MACROD2: variants seen among roughly 807,000 people sequenced by gnomAD.
MACROD2 encodes ADP-ribose glycohydrolase MACROD2.
MACROD2 carries 36 observed loss-of-function variants against 70.4 expected under a neutral mutation model. The ratio of observed to expected loss-of-function variants is 0.51; its 90% CI spans 0.39 to 0.68. The LOEUF (loss-of-function observed/expected upper bound fraction) is 0.68. Ranked by LOEUF, MACROD2 falls within the 30% of genes least tolerant of loss-of-function variation. The pLI is 0.00. For missense variants in MACROD2, 496 were observed against 538.4 expected (o/e 0.92, Z 0.78); for synonymous variants, 172 against 178.8 (o/e 0.96, Z 0.30).
intron 2 of MACROD2, among the ~76,000 whole-genome samples, chr20:14,041,814 C>T (rs2053394979): frequency 6.6e-6 from 1 of 152,152 alleles, no homozygotes; most frequent in South Asian, 2.1e-4. Context: ...GAAGAAAAAT[C>T]TGTCTGTTCC....
chr20:14,776,116 G>T lies in MACROD2; in HGVS notation c.418+91157G>T, dbSNP rs454775. On this transcript the variant is annotated intron_variant, in intron 5 of 17. Transcript: ENST00000684519. ...GTCAGGATTTCAGAGACTGAAGAAT[G>T]CAGACTGAACAAACCTGAACCCATA... is the stretch of plus-strand genomic sequence containing the variant. Among the ~76,000 whole-genome samples the T allele has an allele frequency of 2.0e-5, 3 of 151,488 alleles. No individual in the cohort carries two copies. The South Asian group carries it at 6.2e-4, about 32-fold the overall frequency.
chr20:15,791,447 A>C lies in MACROD2; in HGVS notation c.646-71298A>C, dbSNP rs79003662. ...ACATTGTCTCTTGTGGGCAATTTTA[A>C]AAAAAAAAGGATGTTCAAAATATGT... On this transcript the variant is annotated intron_variant, in intron 8 of 17. Transcript: ENST00000684519. Among the ~76,000 whole-genome samples the C allele has an allele frequency of 5.2e-3, 772 of 148,592 alleles. 9 individuals are homozygous for C. Among genetic ancestry groups the C allele is most frequent in the African/African-American group, 0.018 (729 of 40,228 alleles).
chr20:15,253,172 T>G (rs1473399250), intron 6 of MACROD2, among the ~76,000 whole-genome samples: 2 of 152,186 alleles, frequency 1.3e-5, no homozygotes, highest in Admixed American at 6.5e-5. Flanking sequence ...GGAAGGTTTT[T>G]GGGAGTCCAG....
In MACROD2 at chr20:15,174,753, A is replaced by G. The variant is rs200695379; in HGVS notation, c.419-55187A>G. 5.4e-4 allele frequency among the ~76,000 whole-genome samples: 82 copies of G among 152,358 alleles called. No individual in the cohort carries two copies. The East Asian group carries it at 0.013, about 23-fold the overall frequency. Reference sequence around the variant, plus strand: ...TTTGATTTGCATTTCTCTGATAGCCAGTGATGGTGAGCATTTTTTCATGTG... The same window carrying G: ...TTTGATTTGCATTTCTCTGATAGCCGGTGATGGTGAGCATTTTTTCATGTG... On this transcript the variant is annotated intron_variant, in intron 5 of 17. Coordinates refer to ENST00000684519, the MANE Select transcript of MACROD2 (RefSeq NM_001351661.2).
At chr20:15,052,557 C>A (rs1001424512) in intron 5 of MACROD2, among the ~76,000 whole-genome samples, 2 of 152,142 alleles carry the variant, frequency 1.3e-5, no homozygotes, top group African/African-American at 4.8e-5. Flanking sequence ...GTGCCACAAA[C>A]TGTGCTCATA....
intron 6 of MACROD2, among the ~76,000 whole-genome samples, chr20:15,239,538 TAATTATG>T (rs1568661482): frequency 6.6e-6 from 1 of 152,206 alleles, no homozygotes; most frequent in Non-Finnish European, 1.5e-5. Flanking sequence ...TTTGAATTTA[TAATTATG>T]AATTAAGTTC....
intron 5 of MACROD2, among the ~76,000 whole-genome samples, chr20:15,156,499 T>A (rs886679242): frequency 6.6e-6 from 1 of 152,150 alleles, no homozygotes; most frequent in Admixed American, 6.6e-5. Context: ...GTATCATGTA[T>A]CCCCTTGACT....
intron 8 of MACROD2, among the ~76,000 whole-genome samples, chr20:15,859,297 A>G (rs377346631): frequency 1.3e-5 from 2 of 152,130 alleles, no homozygotes; most frequent in Non-Finnish European, 2.9e-5. Flanking sequence ...AGAGGCAGGC[A>G]TGATCTGCTT....
At chr20:14,137,935 C>A (rs556418841) in intron 3 of MACROD2, among the ~76,000 whole-genome samples, 7 of 152,076 alleles carry the variant, frequency 4.6e-5, no homozygotes, top group African/African-American at 1.7e-4. Flanking sequence ...AAACAAAACA[C>A]CAAAGATGGG....
Position 15,956,936 on chromosome 20 carries a change from G to T in MACROD2, c.908-10617G>T, listed in dbSNP as rs73900889. 9.8e-3 allele frequency among the ~76,000 whole-genome samples: 1,494 copies of T among 152,312 alleles called. 13 individuals are homozygous for T. Among genetic ancestry groups the T allele is most frequent in the African/African-American group, 0.029 (1,196 of 41,574 alleles). ...AAAAAGATTTACCGTAGAATCTGCT[G>T]ATGTGGCCAGCCTTCAGAGTGCAAT... On this transcript the variant is annotated intron_variant, in intron 12 of 17. Coordinates refer to ENST00000684519, the MANE Select transcript of MACROD2 (RefSeq NM_001351661.2).
At chr20:14,573,611 T>C (rs1326518537) in intron 4 of MACROD2, among the ~76,000 whole-genome samples, 1 of 151,874 alleles carries the variant, frequency 6.6e-6, no homozygotes, top group Non-Finnish European at 1.5e-5. Context: ...TCAAAATGGA[T>C]GTTTCTTTAT....
intron 8 of MACROD2, among the ~76,000 whole-genome samples, chr20:15,502,296 A>G (rs4814390): frequency 0.13 from 19,944 of 152,228 alleles, 1,504 homozygotes; most frequent in East Asian, 0.24. Context: ...CATTCCACAC[A>G]GAGAGAACCA....
At chr20:14,865,268 CCAAGGT>C (rs1250416264) in intron 5 of MACROD2, among the ~76,000 whole-genome samples, 2 of 152,110 alleles carry the variant, frequency 1.3e-5, no homozygotes, top group African/African-American at 4.8e-5. Flanking sequence ...GAGAAGCCTA[CCAAGGT>C]TCCAGCTTAC....
intron 4 of MACROD2, among the ~76,000 whole-genome samples, chr20:14,509,956 C>T (rs919836206): frequency 2.0e-5 from 3 of 151,878 alleles, no homozygotes; most frequent in African/African-American, 7.2e-5. Flanking sequence ...ATTAAAGTTG[C>T]AAATTTTACT....
intron 4 of MACROD2, among the ~76,000 whole-genome samples, chr20:14,577,204 C>G (rs905166085): frequency 2.0e-5 from 3 of 152,072 alleles, no homozygotes; most frequent in African/African-American, 7.2e-5. Context: ...AATATTAAAA[C>G]AAAGAGAGAT....
chr20:15,061,776 T>G (rs1020889186), intron 5 of MACROD2, among the ~76,000 whole-genome samples: 4 of 152,216 alleles, frequency 2.6e-5, no homozygotes, highest in Non-Finnish European at 5.9e-5. Context: ...ACTATGATAC[T>G]AAATTATAGA....
At chr20:15,815,617 T>C (rs1190440805) in intron 8 of MACROD2, among the ~76,000 whole-genome samples, 1 of 152,202 alleles carries the variant, frequency 6.6e-6, no homozygotes, top group East Asian at 1.9e-4. Flanking sequence ...TGAAATATTA[T>C]GACAGTTGTC....
intron 8 of MACROD2, among the ~76,000 whole-genome samples, chr20:15,771,917 C>G (rs997337793): frequency 6.6e-6 from 1 of 150,982 alleles, no homozygotes. Flanking sequence ...AACCCCATCT[C>G]TACTAAAAAT....
intron 5 of MACROD2, among the ~76,000 whole-genome samples, chr20:14,966,014 A>T (rs6043028): frequency 0.23 from 35,098 of 151,914 alleles, 5,713 homozygotes; most frequent in African/African-American, 0.44. Context: ...AAATATTTAC[A>T]TTTTTCATTC....
Sources: allele counts gnomAD v4.1 joint callset (sites outside exome capture counted in the v4.1 genomes callset), GRCh38; gene constraint gnomAD v4.1.1; transcripts MANE v1.5; gene names NCBI Gene and HGNC (gene_info 2026-07-23, HGNC 2026-07-21).